The following STK38L variants were observed in gnomAD, a reference collection of about 807,000 sequenced individuals.
STK38L encodes serine/threonine kinase 38 like.
A neutral mutation model predicts 59.7 loss-of-function variants in STK38L; 28 were observed. The observed-to-expected ratio is 0.47, with a 90% CI of 0.35 to 0.64. The LOEUF (loss-of-function observed/expected upper bound fraction) is 0.64. STK38L is among the 30% of genes least tolerant of loss of function. The pLI is 0.01. For synonymous variants in STK38L, 162 were observed against 176.8 expected, an observed-to-expected ratio of 0.92 and a Z score of 0.66; for missense variants, 314 against 555.8, an observed-to-expected ratio of 0.56 and a Z score of 4.37.
rs1246799003 is a variant in STK38L at position 27,322,382 on chromosome 12, A to T, written c.1322A>T (p.Tyr441Phe). Residue 441 changes from tyrosine to phenylalanine, a missense_variant, in exon 14 of 14, where the codon TAT (tyrosine) becomes TTT (phenylalanine). Physicochemically the swap from Tyr to Phe is conservative, Grantham distance 22 (BLOSUM62 3). Around this residue, in one of 3 missense-constraint regions of STK38L, gnomAD observed 94 missense variants for 142.2 expected, o/e 0.66. Coordinates refer to ENST00000389032, the MANE Select transcript of STK38L (RefSeq NM_015000.4). ...YKSKDWVFLN[Y>F]TYKRFEGLTQ... ...TCCAAAGACTGGGTTTTTCTCAATT[A>T]TACCTATAAAAGGTTTGAAGGGTTG... 1.9e-6 allele frequency: 3 copies of T among 1,614,108 alleles called. No individual in the cohort carries two copies. Among genetic ancestry groups the T allele is most frequent in the Non-Finnish European group, 2.5e-6 (3 of 1,179,962 alleles).
At chr12:27,284,820 C>G (rs1943735436) in intron 1 of STK38L, among the ~76,000 whole-genome samples, 1 of 152,172 alleles carries the variant, frequency 6.6e-6, no homozygotes, top group African/African-American at 2.4e-5. Context: ...GTCATTACCA[C>G]ATAAAAATTT....
chr12:27,271,095 T>C (rs1943413535), intron 1 of STK38L, among the ~76,000 whole-genome samples: 1 of 152,192 alleles, frequency 6.6e-6, no homozygotes, highest in South Asian at 2.1e-4. Context: ...ATATATTAAC[T>C]CACAACAATC....
At chr12:27,253,786 C>CTAA (rs1427909474) in intron 1 of STK38L, among the ~76,000 whole-genome samples, 1 of 151,992 alleles carries the variant, frequency 6.6e-6, no homozygotes, top group Non-Finnish European at 1.5e-5. Context: ...ATGTAAGACA[C>CTAA]GAAGCATATT....
intron 1 of STK38L, among the ~76,000 whole-genome samples, chr12:27,268,594 T>G (rs1248294426): frequency 6.6e-6 from 1 of 152,258 alleles, no homozygotes; most frequent in African/African-American, 2.4e-5. Context: ...TGCATGTGTC[T>G]TTAAAGCAGC....
At chr12:27,312,212 A>G (rs2136647836) in intron 5 of STK38L, among the ~76,000 whole-genome samples, 2 of 152,298 alleles carry the variant, frequency 1.3e-5, no homozygotes, top group Non-Finnish European at 2.9e-5. Flanking sequence ...AAATCACACT[A>G]GTGCCCTAAA....
intron 5 of STK38L, among the ~76,000 whole-genome samples, chr12:27,312,090 A>G (rs780861145): frequency 2.6e-5 from 4 of 152,184 alleles, no homozygotes; most frequent in Non-Finnish European, 4.4e-5. Flanking sequence ...CGTTTTAGCC[A>G]GGATGGTCTC....
chr12:27,280,989 G>C (rs1373966979), intron 1 of STK38L, among the ~76,000 whole-genome samples: 1 of 151,684 alleles, frequency 6.6e-6, no homozygotes, highest in African/African-American at 2.4e-5. Flanking sequence ...AATAAATAAG[G>C]TGATCATGTA....
intron 1 of STK38L, among the ~76,000 whole-genome samples, chr12:27,279,058 G>T (rs1218851949): frequency 6.6e-6 from 1 of 152,136 alleles, no homozygotes; most frequent in Non-Finnish European, 1.5e-5. Context: ...CTTTAGGTTG[G>T]GTTTATTGGG....
Position 27,325,149 on chromosome 12 carries a change from A to G in STK38L, c.*2694A>G, listed in dbSNP as rs77266111. The G allele has an allele frequency of 6.6e-6, 1 of 152,202 alleles. No individual in the cohort carries two copies. The highest frequency in any genetic ancestry group is 2.4e-5 in the African/African-American group (1 of 41,572). 9.4% of individuals were successfully genotyped at this position (152,202 alleles called of 1,614,324 possible). On this transcript the variant is annotated 3_prime_UTR_variant, in exon 14 of 14. Transcript: ENST00000389032. ...TACTAACATAGCTTTAAATCTTTAAATGTATTGAAGCATTGTGCTGTCTGA... is the reference window on the plus strand; with the variant it reads ...TACTAACATAGCTTTAAATCTTTAAGTGTATTGAAGCATTGTGCTGTCTGA...
chr12:27,277,792 A>T (rs1056351616), intron 1 of STK38L, among the ~76,000 whole-genome samples: 10 of 152,184 alleles, frequency 6.6e-5, no homozygotes, highest in Middle Eastern at 3.4e-3. Context: ...AGTAAAATTT[A>T]AAAAAAAGAT....
intron 1 of STK38L, among the ~76,000 whole-genome samples, chr12:27,282,388 G>C (rs1228254628): frequency 6.6e-6 from 1 of 152,194 alleles, no homozygotes; most frequent in Non-Finnish European, 1.5e-5. Flanking sequence ...TTCAATTATA[G>C]TTGGAATCAA....
intron 1 of STK38L, among the ~76,000 whole-genome samples, chr12:27,247,363 G>A (rs1942876819): frequency 6.6e-6 from 1 of 152,226 alleles, no homozygotes; most frequent in African/African-American, 2.4e-5. Flanking sequence ...TCCTGTTCAT[G>A]ATGGTCTTCC....
At chr12:27,303,864 TAGTG>T (rs1944241094) in intron 3 of STK38L, among the ~76,000 whole-genome samples, 1 of 151,952 alleles carries the variant, frequency 6.6e-6, no homozygotes, top group Non-Finnish European at 1.5e-5. Flanking sequence ...TAAAAGGAAA[TAGTG>T]AGGTAAGTTG....
At chr12:27,293,329 A>G (rs1943937614) in intron 1 of STK38L, among the ~76,000 whole-genome samples, 2 of 152,220 alleles carry the variant, frequency 1.3e-5, no homozygotes, top group Admixed American at 6.5e-5. Flanking sequence ...TCCAGTGGAC[A>G]TAGGTGCTCT....
At chr12:27,315,468 C>A (rs535432411) in intron 9 of STK38L, 118 bp downstream of exon 9, 2 of 777,190 alleles carry the variant, frequency 2.6e-6, no homozygotes, top group African/African-American at 3.6e-5. Context: ...AATGGTAGCG[C>A]TTGCTCTGGG....
intron 1 of STK38L, among the ~76,000 whole-genome samples, chr12:27,286,195 G>A (rs564978675): frequency 6.6e-6 from 1 of 152,184 alleles, no homozygotes; most frequent in African/African-American, 2.4e-5. Context: ...TTCGAGTACT[G>A]TGGTACCTGA....
chr12:27,271,075 A>T (rs1014943221), intron 1 of STK38L, among the ~76,000 whole-genome samples: 5 of 152,190 alleles, frequency 3.3e-5, no homozygotes, highest in African/African-American at 1.2e-4. Context: ...TACTGCCCTA[A>T]GTGCATTACA....
chr12:27,279,372 C>CTA (rs1943603668), intron 1 of STK38L, among the ~76,000 whole-genome samples: 1 of 152,064 alleles, frequency 6.6e-6, no homozygotes, highest in Non-Finnish European at 1.5e-5. Flanking sequence ...GGTGCAAAAG[C>CTA]TCTATGCTTA....
Position 27,317,405 on chromosome 12 carries a change from T to C in STK38L, c.907T>C (p.Leu303=). 6.2e-7 allele frequency: 1 copy of C among 1,613,310 alleles called. No homozygotes were observed. The highest frequency in any genetic ancestry group is 8.5e-7 in the Non-Finnish European group (1 of 1,179,840). ...EVFMQTGYNK[L]CDWWSLGVIM... Reference sequence around the variant, plus strand: ...ATTCATGCAGACTGGTTACAACAAATTGTGTGACTGGTGGTCTTTGGGAGT... The same window carrying C: ...ATTCATGCAGACTGGTTACAACAAACTGTGTGACTGGTGGTCTTTGGGAGT... The change falls in exon 10 of 14, where the codon TTG becomes CTG. Residue 303 remains leucine (L), a synonymous_variant. Coordinates refer to ENST00000389032, the MANE Select transcript of STK38L (RefSeq NM_015000.4).
Sources: allele counts gnomAD v4.1 joint callset (sites outside exome capture counted in the v4.1 genomes callset), GRCh38; gene constraint gnomAD v4.1.1; regional missense constraint gnomAD v4.1.1; transcripts MANE v1.5; gene names NCBI Gene and HGNC (gene_info 2026-07-23, HGNC 2026-07-21).